The following DCDC1 variants were observed in gnomAD, a reference collection of about 807,000 sequenced individuals.
DCDC1 encodes the protein doublecortin domain-containing protein 1.
A neutral mutation model predicts 178.3 loss-of-function variants in DCDC1; 200 were observed. That is an observed-to-expected ratio of 1.12 (90% CI 1.00 to 1.26). The LOEUF is 1.26. DCDC1 is among the 50% of genes most tolerant of loss of function. The pLI is 0.00. For missense variants in DCDC1, 1,983 were observed against 1,749.2 expected (o/e 1.13, Z -2.38); for synonymous variants, 690 against 604.8 (o/e 1.14, Z -2.07).
chr11:31,101,202 C>T (rs936247329), intron 15 of DCDC1, among the ~76,000 whole-genome samples: 2 of 152,144 alleles, frequency 1.3e-5, no homozygotes, highest in African/African-American at 4.8e-5. Context: ...ACTGCTCTGT[C>T]TCTGTGAGTG....
intron 26 of DCDC1, 150 bp from the exon 27 acceptor site, chr11:30,915,861 G>A (rs1945794440): frequency 9.7e-6 from 7 of 723,482 alleles, no homozygotes; most frequent in East Asian, 5.4e-5. Context: ...TTAGAATGAC[G>A]GCAATGCTAC....
rs539214851 is a variant in DCDC1, at chr11:31,167,593, A to G, written c.1222-29809T>C. 2.6e-5 allele frequency among the ~76,000 whole-genome samples: 4 copies of G among 152,214 alleles called. No homozygotes were observed. In the East Asian group the frequency reaches 7.7e-4, roughly 29 times the overall value. ...GTCTTTCCAACTACCTCTTCTCACC[A>G]ATCTATCTCATCTATAATCTAATCC... is the stretch of plus-strand genomic sequence containing the variant. On this transcript the variant is annotated intron_variant, in intron 9 of 38. Coordinates refer to ENST00000684477, the MANE Select transcript of DCDC1 (RefSeq NM_001387274.1).
intron 38 of DCDC1, among the ~76,000 whole-genome samples, chr11:30,866,613 A>G (rs1940999917): frequency 6.6e-6 from 1 of 152,166 alleles, no homozygotes; most frequent in East Asian, 1.9e-4. Flanking sequence ...GAAACTAAGG[A>G]GAGGAATGGC....
chr11:31,167,849 C>T (rs1324949660), intron 9 of DCDC1, among the ~76,000 whole-genome samples: 1 of 152,194 alleles, frequency 6.6e-6, no homozygotes, highest in Non-Finnish European at 1.5e-5. Flanking sequence ...GATTCAACTA[C>T]TATGGGTGAT....
At chr11:30,984,212 A>G (rs547489161) in intron 20 of DCDC1, among the ~76,000 whole-genome samples, 7 of 152,274 alleles carry the variant, frequency 4.6e-5, no homozygotes, top group African/African-American at 1.4e-4. Context: ...TAGTTACTCC[A>G]TGTGAGATGG....
intron 7 of DCDC1, among the ~76,000 whole-genome samples, chr11:31,284,925 C>T (rs1012040143): frequency 6.6e-6 from 1 of 152,112 alleles, no homozygotes; most frequent in Non-Finnish European, 1.5e-5. Flanking sequence ...AGGCATAAGC[C>T]ACCATGCCCG....
intron 11 of DCDC1, among the ~76,000 whole-genome samples, chr11:31,117,811 G>A (rs1407077458): frequency 2.0e-5 from 3 of 152,020 alleles, no homozygotes; most frequent in South Asian, 4.2e-4. Flanking sequence ...ATTTGCTTGC[G>A]TGTCATGTCC....
intron 12 of DCDC1, among the ~76,000 whole-genome samples, chr11:31,108,954 G>A (rs1959026997): frequency 6.6e-6 from 1 of 152,062 alleles, no homozygotes; most frequent in South Asian, 2.1e-4. Flanking sequence ...GTCCACACAA[G>A]GGAGCAGTTG....
intron 9 of DCDC1, among the ~76,000 whole-genome samples, chr11:31,208,117 G>A (rs916184483): frequency 1.8e-4 from 28 of 151,934 alleles, no homozygotes; most frequent in Non-Finnish European, 5.9e-5. Flanking sequence ...CATTTCCATG[G>A]TTTTACTTAC....
At chr11:31,003,963 G>C (rs1590725003) in intron 20 of DCDC1, among the ~76,000 whole-genome samples, 1 of 152,292 alleles carries the variant, frequency 6.6e-6, no homozygotes, top group East Asian at 1.9e-4. Flanking sequence ...AATGATGACG[G>C]CTAGGTTTCT....
At chr11:30,932,065 A>G (rs1427171681) in intron 21 of DCDC1, 113 bp from the exon 22 acceptor site, 18 of 937,014 alleles carry the variant, frequency 1.9e-5, no homozygotes, top group Non-Finnish European at 2.2e-5. Context: ...CATTCAACAA[A>G]AATGTATTGG....
intron 7 of DCDC1, among the ~76,000 whole-genome samples, chr11:31,273,138 C>G (rs1450171930): frequency 6.6e-6 from 1 of 152,198 alleles, no homozygotes; most frequent in African/African-American, 2.4e-5. Context: ...AGACTTCTGA[C>G]ATGCCCTGGA....
chr11:31,309,351 A>G (rs1948637671), intron 3 of DCDC1, among the ~76,000 whole-genome samples: 5 of 152,202 alleles, frequency 3.3e-5, no homozygotes, highest in Admixed American at 3.3e-4. Flanking sequence ...AACTGTGGCA[A>G]ACAACGCCTT....
chr11:31,210,535 AC>A (rs1173348533), intron 9 of DCDC1, among the ~76,000 whole-genome samples: 2 of 151,558 alleles, frequency 1.3e-5, no homozygotes, highest in Non-Finnish European at 2.9e-5. Flanking sequence ...ATGCGGTGAA[AC>A]CCCGTTTCTA....
chr11:31,213,100 C>CCTCTCTCTCTCTCCTCTCT (rs1972856967), intron 9 of DCDC1, among the ~76,000 whole-genome samples: 1 of 44,242 alleles, frequency 2.3e-5, no homozygotes. Flanking sequence ...TAAAGCCCAG[C>CCTCTCTCTCTCTCCTCTCT]CTCTCTCTCT....
intron 11 of DCDC1, among the ~76,000 whole-genome samples, chr11:31,121,681 C>A (rs1294486452): frequency 6.6e-6 from 1 of 151,528 alleles, no homozygotes; most frequent in Non-Finnish European, 1.5e-5. Flanking sequence ...GCCTCCAGCC[C>A]CTGGTTGAGA....
intron 1 of DCDC1, among the ~76,000 whole-genome samples, chr11:31,348,266 G>A (rs1950908869): frequency 6.6e-6 from 1 of 152,044 alleles, no homozygotes; most frequent in Non-Finnish European, 1.5e-5. Context: ...ACATTTTCTA[G>A]TGGGATGGAG....
chr11:31,084,027 A>G (rs1257986500), intron 17 of DCDC1, among the ~76,000 whole-genome samples: 1 of 152,194 alleles, frequency 6.6e-6, no homozygotes, highest in Non-Finnish European at 1.5e-5. Context: ...CCTGGTAAAG[A>G]GATTGTTGGT....
At chr11:31,065,832 G>T (rs1416672363) in intron 18 of DCDC1, among the ~76,000 whole-genome samples, 1 of 152,172 alleles carries the variant, frequency 6.6e-6, no homozygotes, top group Non-Finnish European at 1.5e-5. Flanking sequence ...GATAAAATCT[G>T]TCACTGCTCA....
Sources: gnomAD v4.1 joint callset for allele counts (sites outside exome capture counted in the v4.1 genomes callset) on GRCh38, gnomAD v4.1.1 for gene constraint, MANE v1.5 for transcripts, NCBI Gene and HGNC (gene_info 2026-07-23, HGNC 2026-07-21) for gene names.